The following LARP1B variants were observed in gnomAD, a reference collection of about 807,000 sequenced individuals.
LARP1B encodes the protein La ribonucleoprotein 1B.
In LARP1B, 76 loss-of-function variants were observed where a neutral mutation model predicts 114.2. That is an observed-to-expected ratio of 0.67 (90% CI 0.55 to 0.81). The LOEUF (loss-of-function observed/expected upper bound fraction) is 0.81, where lower values mean the gene tolerates loss of function less well. LARP1B is among the 30% of genes least tolerant of loss of function. LARP1B has a pLI of 0.00. For missense variants in LARP1B, 1,014 were observed against 1,075.8 expected, an observed-to-expected ratio of 0.94 and a Z score of 0.80; for synonymous variants, 345 against 348.0, an observed-to-expected ratio of 0.99 and a Z score of 0.10.
At chr4:128,180,843 A>G (rs1398697679) in intron 15 of LARP1B, among the ~76,000 whole-genome samples, 3 of 152,228 alleles carry the variant, frequency 2.0e-5, no homozygotes, top group South Asian at 2.1e-4. Context: ...ACTGTTTTCC[A>G]AAGTGGCCCT....
intron 7 of LARP1B, among the ~76,000 whole-genome samples, chr4:128,095,788 G>A (rs1777712686): frequency 6.6e-6 from 1 of 151,932 alleles, no homozygotes; most frequent in Admixed American, 6.6e-5. Context: ...CAAAATGTGA[G>A]CTGGTTTGTT....
chr4:128,097,350 C>T (rs927202192), intron 7 of LARP1B, among the ~76,000 whole-genome samples: 3 of 151,890 alleles, frequency 2.0e-5, no homozygotes, highest in Non-Finnish European at 2.9e-5. Context: ...TCTTGTTGCC[C>T]AGGCTGGAGT....
Position 128,094,511 on chromosome 4 carries a change from A to G in LARP1B, c.668+2999A>G, listed in dbSNP as rs1777185814. Among the ~76,000 whole-genome samples, 5 of 150,450 alleles carry G rather than the reference A, an allele frequency of 3.3e-5. 1 individual carries two copies. In the South Asian group the frequency reaches 1.0e-3, roughly 32 times the overall value. On this transcript the variant is annotated intron_variant, in intron 7 of 19. Coordinates refer to ENST00000326639, the MANE Select transcript of LARP1B (RefSeq NM_018078.4). ...TGCCTCCCGGGTTCAAGTTCAAGCA[A>G]TTCTCCTGCCTTAGCCTCTCGAATA...
chr4:128,084,321 C>T (rs1227848916), intron 5 of LARP1B, among the ~76,000 whole-genome samples: 13 of 152,220 alleles, frequency 8.5e-5, no homozygotes, highest in Admixed American at 2.0e-4. Flanking sequence ...CACTGCACTC[C>T]AGCCTGGGCA....
intron 11 of LARP1B, among the ~76,000 whole-genome samples, chr4:128,135,126 TAAA>T (rs1792899416): frequency 6.7e-6 from 1 of 149,710 alleles, no homozygotes; most frequent in Non-Finnish European, 1.5e-5. Context: ...AATAAATAAA[TAAA>T]TAAATAAATA....
At chr4:128,137,549 A>G (rs1489520778) in intron 11 of LARP1B, among the ~76,000 whole-genome samples, 1 of 151,784 alleles carries the variant, frequency 6.6e-6, no homozygotes, top group African/African-American at 2.4e-5. Flanking sequence ...GGGAATATAT[A>G]TTTTTTCCTT....
chr4:128,167,992 A>T (rs966727976), intron 12 of LARP1B, among the ~76,000 whole-genome samples: 2 of 152,044 alleles, frequency 1.3e-5, no homozygotes, highest in African/African-American at 2.4e-5. Context: ...CATTGCATGG[A>T]TGTAAACAGT....
chr4:128,175,773 G>A (rs1457307315), intron 12 of LARP1B, among the ~76,000 whole-genome samples: 2 of 151,986 alleles, frequency 1.3e-5, no homozygotes, highest in Non-Finnish European at 2.9e-5. Flanking sequence ...TTTTATTTTT[G>A]ACTGGTGGAC....
At chr4:128,193,265 C>T (rs145069393) in intron 15 of LARP1B, among the ~76,000 whole-genome samples, 23 of 152,286 alleles carry the variant, frequency 1.5e-4, no homozygotes, top group Admixed American at 3.9e-4. Context: ...TAGTTTAGCA[C>T]ATTAAATCCT....
chr4:128,086,993 A>G (rs1773850958), intron 5 of LARP1B, among the ~76,000 whole-genome samples: 1 of 151,836 alleles, frequency 6.6e-6, no homozygotes, highest in South Asian at 2.1e-4. Context: ...TTTTGTCTTG[A>G]GACAGAGTCT....
In LARP1B at chr4:128,075,011, GTTT is replaced by G; in HGVS notation, c.42+27_42+29del. On this transcript the variant is annotated intron_variant, in intron 3 of 19. Coordinates refer to ENST00000326639, the MANE Select transcript of LARP1B (RefSeq NM_018078.4). The stretch of plus-strand genomic sequence containing the variant: ...ACACTGGAGTGAGTATTGTTTTAAA[GTTT>G]TTTTTTTTAAAGAAAGGAAAATGTA... 1 of 1,291,520 alleles carries G rather than the reference GTTT, an allele frequency of 7.7e-7. No individual in the cohort carries two copies. The highest frequency in any genetic ancestry group is 1.1e-6 in the Non-Finnish European group (1 of 945,134). 80.0% of individuals were successfully genotyped at this position (1,291,520 alleles called of 1,614,324 possible).
intron 4 of LARP1B, among the ~76,000 whole-genome samples, chr4:128,081,378 CTTTTTTT>C (rs35763535): frequency 1.8e-5 from 2 of 110,690 alleles, no homozygotes; most frequent in African/African-American, 6.7e-5. Context: ...TGCGCCCGGC[CTTTTTTT>C]TTTTTTTTTT....
chr4:128,149,020 A>G (rs899425241), intron 11 of LARP1B, among the ~76,000 whole-genome samples: 2 of 152,218 alleles, frequency 1.3e-5, no homozygotes, highest in Non-Finnish European at 2.9e-5. Flanking sequence ...TGGTAAAACT[A>G]TACTTGTTTG....
chr4:128,094,325 C>G lies in LARP1B; in HGVS notation c.668+2813C>G, dbSNP rs538199739. On this transcript the variant is annotated intron_variant, in intron 7 of 19. Transcript: ENST00000326639. ...ATTATTTCTAGCTGTGATAATCTCT[C>G]TTGGCACTCAGATGACAGCACTCTG... Among the ~76,000 whole-genome samples, 7 of 150,968 alleles carry G rather than the reference C, an allele frequency of 4.6e-5. No individual in the cohort carries two copies. The South Asian group carries it at 1.3e-3, about 27-fold the overall frequency.
intron 9 of LARP1B, among the ~76,000 whole-genome samples, chr4:128,111,988 C>CCT (rs1227787092): frequency 6.6e-6 from 1 of 151,776 alleles, no homozygotes; most frequent in African/African-American, 2.4e-5. Context: ...CTGTGCCCAT[C>CCT]CTCTGTCTCT....
chr4:128,155,458 C>A lies in LARP1B; in HGVS notation c.1525-6736C>A, dbSNP rs1430040954. 42 of 749,596 alleles carry A rather than the reference C, an allele frequency of 5.6e-5. No individual in the cohort carries two copies. The Middle Eastern group carries it at 1.0e-3, about 18-fold the overall frequency. The allele number at this position is 749,596 out of a possible 1,614,324, so 46.4% of individuals were successfully genotyped here. ...CGTGGGTATGGCGACCCCGCGCAGC[C>A]CCCCGGCCGCAGTGCAGGCAGCCCA... On this transcript the variant is annotated intron_variant, in intron 11 of 19. Coordinates refer to ENST00000326639, the MANE Select transcript of LARP1B (RefSeq NM_018078.4).
At chr4:128,108,629 G>A (rs1281653811) in intron 9 of LARP1B, 10 of 985,230 alleles carry the variant, frequency 1.0e-5, no homozygotes, top group Non-Finnish European at 1.2e-5. Context: ...AAAAGCTGAA[G>A]AAAAGTGACA....
In LARP1B at chr4:128,210,091, G is replaced by C; in HGVS notation, c.*38G>C. 1 of 1,612,778 alleles carries C rather than the reference G, an allele frequency of 6.2e-7. No homozygotes were observed. Among genetic ancestry groups the C allele is most frequent in the Non-Finnish European group, 8.5e-7 (1 of 1,179,056 alleles). ...GTGTCCTGTGGTCTCAAGAAATGGT[G>C]AAATGCCTGAGAAATAGACTCTTAT... On this transcript the variant is annotated 3_prime_UTR_variant, in exon 20 of 20. Transcript: ENST00000326639.
At chr4:128,154,756 A>G (rs557405994) in intron 11 of LARP1B, among the ~76,000 whole-genome samples, 3 of 152,270 alleles carry the variant, frequency 2.0e-5, no homozygotes, top group Admixed American at 6.5e-5. Flanking sequence ...ACTTATACTG[A>G]ATTGTAATCT....
Sources: gnomAD v4.1 joint callset for allele counts (sites outside exome capture counted in the v4.1 genomes callset) on GRCh38, gnomAD v4.1.1 for gene constraint, MANE v1.5 for transcripts, NCBI Gene and HGNC (gene_info 2026-07-23, HGNC 2026-07-21) for gene names.